SUCO: variants seen among roughly 807,000 people sequenced by gnomAD.
SUCO encodes the protein SUN domain containing ossification factor, also known as SUN domain-containing ossification factor.
A neutral mutation model predicts 148.1 loss-of-function variants in SUCO; 57 were observed. The observed-to-expected ratio is 0.38, with a 90% confidence interval of 0.31 to 0.48. SUCO has a LOEUF of 0.48. Among genes scored for constraint, SUCO ranks in the 20% least tolerant of loss-of-function variants. The pLI is 0.96. For missense variants in SUCO, 1,331 were observed against 1,468.2 expected, an observed-to-expected ratio of 0.91 and a Z score of 1.53; for synonymous variants, 470 against 502.7, an observed-to-expected ratio of 0.93 and a Z score of 0.87.
At position 172,542,906 on chromosome 1, in the gene SUCO, A is replaced by G. The variant is rs1652588912; in HGVS notation, c.63-8606A>G. On this transcript the variant is annotated intron_variant, in intron 1 of 23. Transcript: ENST00000263688. ...CTTAGATAAGTTTGGAGAGCTTGAA[A>G]ACTGAGAAACTTTTCAAAAGAGGGA... 16 of 985,324 alleles carry G rather than the reference A, an allele frequency of 1.6e-5. No individual in the cohort carries two copies. The South Asian group carries it at 7.0e-4, about 43-fold the overall frequency. The allele number at this position is 985,324 out of a possible 1,614,324, so 61.0% of individuals were successfully genotyped here. A position where few individuals can be genotyped will look rare whatever the true frequency, so the allele number is the denominator to read the frequency against.
At chr1:172,606,115 G>A (rs530281854) in intron 22 of SUCO, among the ~76,000 whole-genome samples, 32 of 151,214 alleles carry the variant, frequency 2.1e-4, no homozygotes, top group Admixed American at 9.2e-4. Flanking sequence ...CATGATATAC[G>A]TGTGTGAATT....
chr1:172,600,714 G>A (rs1411796976), intron 20 of SUCO, among the ~76,000 whole-genome samples: 1 of 151,594 alleles, frequency 6.6e-6, no homozygotes, highest in African/African-American at 2.4e-5. Flanking sequence ...GTGTGTGTGT[G>A]TGTGTGTGTG....
In SUCO at chr1:172,575,498, A is replaced by G. The variant is rs1250349816; in HGVS notation, c.1158-20A>G. On this transcript the variant is annotated intron_variant, in intron 10 of 23. Transcript: ENST00000263688. ...TGGTTTATAATTTTTAAAAAAGAAC[A>G]TATTGCTTATATTTTTTAGATATCC... is the stretch of plus-strand genomic sequence containing the variant. 4.6e-6 allele frequency: 7 copies of G among 1,513,170 alleles called. No individual in the cohort carries two copies. The Admixed American group carries it at 7.0e-5, about 15-fold the overall frequency. 93.7% of individuals were successfully genotyped at this position (1,513,170 alleles called of 1,614,324 possible).
At chr1:172,557,002 T>A in intron 4 of SUCO, 1 of 978,390 alleles carries the variant, frequency 1.0e-6, no homozygotes, top group Non-Finnish European at 1.2e-6. Flanking sequence ...AGAATTAGTA[T>A]AGTAATGATG....
At chr1:172,578,657 C>G (rs1472015240) in intron 14 of SUCO, 2 of 626,050 alleles carry the variant, frequency 3.2e-6, no homozygotes, top group African/African-American at 4.0e-5. Flanking sequence ...ATGATTATAT[C>G]CCTATGCCAG....
intron 6 of SUCO, among the ~76,000 whole-genome samples, chr1:172,562,836 T>C (rs945012950): frequency 2.0e-5 from 3 of 152,182 alleles, no homozygotes; most frequent in African/African-American, 4.8e-5. Context: ...CATGTTGAGT[T>C]GTAATCCCCA....
At chr1:172,557,067 T>C in intron 4 of SUCO, 1 of 977,572 alleles carries the variant, frequency 1.0e-6, no homozygotes, top group Non-Finnish European at 1.2e-6. Context: ...AAAAATCTTA[T>C]TTTTGAAAGA....
At chr1:172,561,094 G>A (rs1186962155) in intron 6 of SUCO, among the ~76,000 whole-genome samples, 2 of 152,228 alleles carry the variant, frequency 1.3e-5, no homozygotes, top group Non-Finnish European at 2.9e-5. Context: ...TTGCTTTCAA[G>A]TGGAATCCCA....
In SUCO at chr1:172,588,981, C is replaced by G; in HGVS notation, c.1880C>G (p.Ser627Cys). ...GAACTGACCACAATTTGTTGTATTT[C>G]TAGTTTTTCAGAATACATATATAAA... Reference protein sequence around the residue: ...CSELTTICCISSFSEYIYKWC... With the variant: ...CSELTTICCICSFSEYIYKWC... The change falls in exon 18 of 24, where the codon TCT becomes TGT. Residue 627 changes from serine to cysteine, a missense_variant. Around this residue, in one of 3 missense-constraint regions of SUCO, gnomAD observed 992 missense variants for 1,093.5 expected, o/e 0.91. Coordinates refer to ENST00000263688, the MANE Select transcript of SUCO (RefSeq NM_014283.5). 6.2e-7 allele frequency: 1 copy of G among 1,610,360 alleles called. No homozygotes were observed. Among genetic ancestry groups the G allele is most frequent in the African/African-American group, 1.3e-5 (1 of 74,926 alleles).
Position 172,589,195 on chromosome 1 carries a change from T to C in SUCO, c.2094T>C (p.Val698=). The C allele has an allele frequency of 6.2e-7, 1 of 1,614,052 alleles. No homozygotes were observed. The highest frequency in any genetic ancestry group is 8.5e-7 in the Non-Finnish European group (1 of 1,179,946). ...TNIEREAETV[V]LGDLSSSMHQ... The stretch of plus-strand genomic sequence containing the variant: ...TAGAAAGGGAAGCTGAAACTGTTGT[T>C]CTGGGTGATTTAAGTAGTAGTATGC... Residue 698 remains valine, a synonymous_variant, in exon 18 of 24, where the codon GTT becomes GTC. Transcript: ENST00000263688.
intron 15 of SUCO, among the ~76,000 whole-genome samples, chr1:172,581,893 T>C (rs1571251996): frequency 6.6e-6 from 1 of 152,188 alleles, no homozygotes; most frequent in East Asian, 1.9e-4. Context: ...TAAACATTCT[T>C]GATATTATAT....
chr1:172,560,485 A>G (rs1654069301), intron 6 of SUCO, among the ~76,000 whole-genome samples: 1 of 152,220 alleles, frequency 6.6e-6, no homozygotes, highest in Non-Finnish European at 1.5e-5. Context: ...TACATTTGCC[A>G]AAGAGTCTAG....
rs1653823504 is a variant in SUCO at position 172,557,324 on chromosome 1, A to C, written c.488A>C (p.Glu163Ala). ...SGTIPIAKPS[E>A]TEQSETDCDV... Reference sequence around the variant, plus strand: ...ACTATTCCGATAGCCAAACCAAGTGAAACTGAGCAGTCTGAAACTGATTGT... The same window carrying C: ...ACTATTCCGATAGCCAAACCAAGTGCAACTGAGCAGTCTGAAACTGATTGT... Residue 163 changes from glutamate (E) to alanine (A), a missense_variant, in exon 5 of 24, where the codon GAA becomes GCA. Glu to Ala is a moderately radical substitution (Grantham distance 107). This residue lies in a region of SUCO where 992 missense variants were observed against 1,093.5 expected (regional missense o/e 0.91). Coordinates refer to ENST00000263688, the MANE Select transcript of SUCO (RefSeq NM_014283.5). 1 of 1,614,018 alleles carries C rather than the reference A, an allele frequency of 6.2e-7. No homozygotes were observed. Among genetic ancestry groups the C allele is most frequent in the Non-Finnish European group, 8.5e-7 (1 of 1,179,904 alleles).
At chr1:172,543,711 A>G (rs1004372826) in intron 1 of SUCO, among the ~76,000 whole-genome samples, 1 of 152,256 alleles carries the variant, frequency 6.6e-6, no homozygotes, top group East Asian at 1.9e-4. Context: ...TTAATTAGAA[A>G]CAGGCACTAG....
rs538353283 is a variant in SUCO, at chr1:172,568,492, A to G, written c.733-527A>G. ...TTTATGCATTCTGCATCTTATTAAC[A>G]TGATTTATAAAGATTTTTAAATTTT... On this transcript the variant is annotated intron_variant, in intron 6 of 23. Coordinates refer to ENST00000263688, the MANE Select transcript of SUCO (RefSeq NM_014283.5). The G allele has an allele frequency of 3.3e-6, 3 of 916,826 alleles. No homozygotes were observed. In the Middle Eastern group the frequency reaches 1.7e-3, roughly 509 times the overall value. The allele number at this position is 916,826 out of a possible 1,614,324, so 56.8% of individuals were successfully genotyped here. A position where few individuals can be genotyped will look rare whatever the true frequency, so the allele number is the denominator to read the frequency against.
At chr1:172,590,667 T>C (rs971339568) in intron 18 of SUCO, among the ~76,000 whole-genome samples, 2 of 152,068 alleles carry the variant, frequency 1.3e-5, no homozygotes, top group African/African-American at 4.8e-5. Flanking sequence ...ATATCTGAAG[T>C]AGGAAATTTT....
chr1:172,581,273 T>C (rs1344680957), intron 15 of SUCO, among the ~76,000 whole-genome samples: 1 of 152,198 alleles, frequency 6.6e-6, no homozygotes, highest in African/African-American at 2.4e-5. Context: ...ATTTTCCTTT[T>C]ACAGATCTCT....
intron 4 of SUCO, chr1:172,556,809 A>G: frequency 1.1e-6 from 1 of 883,154 alleles, no homozygotes; most frequent in Non-Finnish European, 1.4e-6. Context: ...ATATATCTGA[A>G]GAGTGAATGC....
At chr1:172,551,473 C>T in intron 1 of SUCO, 39 bp from the exon 2 acceptor site, 1 of 1,312,498 alleles carries the variant, frequency 7.6e-7, no homozygotes, top group Non-Finnish European at 1.1e-6. Context: ...CTTTCTCTTT[C>T]TCTTTTTCTG....
Sources: allele counts gnomAD v4.1 joint callset (sites outside exome capture counted in the v4.1 genomes callset), GRCh38; gene constraint gnomAD v4.1.1; regional missense constraint gnomAD v4.1.1; transcripts MANE v1.5; gene names NCBI Gene and HGNC (gene_info 2026-07-23, HGNC 2026-07-21).